The following CELF2 variants were observed in gnomAD, a reference collection of about 807,000 sequenced individuals.
The protein encoded by CELF2 is CUGBP Elav-like family member 2.
A neutral mutation model predicts 62.6 loss-of-function variants in CELF2; 8 were observed. That is an observed-to-expected ratio of 0.13 (90% CI 0.07 to 0.23). The LOEUF (loss-of-function observed/expected upper bound fraction) is 0.23. Ranked by LOEUF, CELF2 falls within the 10% of genes least tolerant of loss-of-function variation. The pLI is 1.00. For synonymous variants in CELF2, 258 were observed against 250.0 expected (o/e 1.03, Z -0.30); for missense variants, 333 against 671.0 (o/e 0.50, Z 5.56).
chr10:10,727,127 C>T, the CELF2 span, among the ~76,000 whole-genome samples: 2 of 152,228 alleles, frequency 1.3e-5, no homozygotes, highest in South Asian at 4.1e-4. Context: ...CCAGGCCCCG[C>T]TTCCAATACT....
At chr10:10,462,615 C>CTTTTTTTTTTTTTTT in the CELF2 span, among the ~76,000 whole-genome samples, 5 of 69,416 alleles carry the variant, frequency 7.2e-5, no homozygotes, top group Non-Finnish European at 1.0e-4. Flanking sequence ...TTTTTTTCAT[C>CTTTTTTTTTTTTTTT]TTTTTTTTTT....
chr10:10,495,278 C>CA, the CELF2 span, among the ~76,000 whole-genome samples: 3 of 151,848 alleles, frequency 2.0e-5, no homozygotes, highest in Admixed American at 2.0e-4. Flanking sequence ...GACTCTATCT[C>CA]AAAAAAAATT....
intron 2 of CELF2, among the ~76,000 whole-genome samples, chr10:10,962,880 G>A (rs1465777955): frequency 6.6e-6 from 1 of 152,186 alleles, no homozygotes; most frequent in African/African-American, 2.4e-5. Flanking sequence ...ATTCCATTTT[G>A]CTTGGCCATT....
At chr10:10,825,210 T>TTTTGTG (rs2057288670) in intron 1 of CELF2, among the ~76,000 whole-genome samples, 1 of 151,792 alleles carries the variant, frequency 6.6e-6, no homozygotes, top group South Asian at 2.1e-4. Flanking sequence ...TGTTTTTTGT[T>TTTTGTG]TTTTGTGTTT....
intron 2 of CELF2, among the ~76,000 whole-genome samples, chr10:10,973,463 G>T (rs2050981306): frequency 6.6e-6 from 1 of 152,120 alleles, no homozygotes; most frequent in Admixed American, 6.6e-5. Context: ...CCCATGCCAG[G>T]TTCTCCTGCA....
intron 1 of CELF2, among the ~76,000 whole-genome samples, chr10:11,099,019 G>C (rs11256973): frequency 1.3e-5 from 2 of 152,304 alleles, no homozygotes; most frequent in East Asian, 1.9e-4. Context: ...TAAAAGTTTC[G>C]CCAGAGAATG....
At chr10:10,547,675 G>GAT in the CELF2 span, among the ~76,000 whole-genome samples, 1 of 126,688 alleles carries the variant, frequency 7.9e-6, no homozygotes, top group African/African-American at 3.0e-5. Context: ...CAAAAAGATA[G>GAT]AGAGAGAGAG....
At chr10:10,588,015 T>C in the CELF2 span, among the ~76,000 whole-genome samples, 1 of 117,824 alleles carries the variant, frequency 8.5e-6, no homozygotes, top group African/African-American at 3.8e-5. Flanking sequence ...GGTAAAGATG[T>C]AATTTTTTTT....
At chr10:11,265,228 C>T (rs1214389337) in intron 5 of CELF2, among the ~76,000 whole-genome samples, 2 of 152,190 alleles carry the variant, frequency 1.3e-5, no homozygotes, top group East Asian at 1.9e-4. Context: ...TTCTATTTTG[C>T]TTATTGGCCA....
chr10:10,800,794 A>G (rs2054585362), intron 1 of CELF2, among the ~76,000 whole-genome samples: 1 of 152,138 alleles, frequency 6.6e-6, no homozygotes, highest in South Asian at 2.1e-4. Flanking sequence ...CTATCGAAAA[A>G]TGGTAAAGTG....
At chr10:11,209,567 CT>C (rs113589265) in intron 2 of CELF2, among the ~76,000 whole-genome samples, 5,445 of 134,926 alleles carry the variant, frequency 0.04, 171 homozygotes, top group African/African-American at 0.099. Flanking sequence ...AAGGACTACT[CT>C]TTTTTTTTTT....
chr10:10,696,786 CT>C, the CELF2 span, among the ~76,000 whole-genome samples: 1 of 152,250 alleles, frequency 6.6e-6, no homozygotes, highest in South Asian at 2.1e-4. Context: ...TCCGTCACCC[CT>C]TTCTTTGACC....
the CELF2 span, among the ~76,000 whole-genome samples, chr10:10,581,972 G>T: frequency 6.6e-6 from 1 of 152,106 alleles, no homozygotes; most frequent in East Asian, 1.9e-4. Context: ...AGGTTGCAGT[G>T]AGCTGAGATC....
chr10:10,573,601 G>A, the CELF2 span, among the ~76,000 whole-genome samples: 3 of 152,092 alleles, frequency 2.0e-5, no homozygotes, highest in Admixed American at 2.0e-4. Flanking sequence ...GATCTTGTGA[G>A]CACATGTACT....
At chr10:10,974,559 C>A (rs1034932550) in intron 2 of CELF2, among the ~76,000 whole-genome samples, 1 of 152,152 alleles carries the variant, frequency 6.6e-6, no homozygotes, top group Non-Finnish European at 1.5e-5. Context: ...AAGAGTCATG[C>A]ACTGACTCTG....
the CELF2 span, among the ~76,000 whole-genome samples, chr10:10,752,439 C>T: frequency 6.6e-6 from 1 of 151,906 alleles, no homozygotes; most frequent in Non-Finnish European, 1.5e-5. Flanking sequence ...GCCTGTAATC[C>T]CAGCACTTTG....
chr10:11,311,781 A>G lies in CELF2; in HGVS notation c.977-2358A>G, dbSNP rs2094573920. 1.3e-5 allele frequency among the ~76,000 whole-genome samples: 2 copies of G among 152,300 alleles called. No homozygotes were observed. Among genetic ancestry groups the G allele is most frequent in the Non-Finnish European group, 2.9e-5 (2 of 68,024 alleles). On this transcript the variant is annotated intron_variant, in intron 9 of 12. Transcript: ENST00000633077. The surrounding 1 kb of genome is among the most constrained non-coding windows in gnomAD (Gnocchi z 4.7). ...TTTGGAGATGATGCCCAACCGAGAA[A>G]CAGAATATGAGAGGTGAAGTGACAT...
chr10:10,662,258 A>T, the CELF2 span, among the ~76,000 whole-genome samples: 3 of 152,228 alleles, frequency 2.0e-5, no homozygotes, highest in Admixed American at 6.5e-5. Flanking sequence ...ATGCAAAGAA[A>T]TGCACTCAGA....
the CELF2 span, among the ~76,000 whole-genome samples, chr10:10,471,878 T>C: frequency 2.0e-5 from 3 of 151,984 alleles, no homozygotes; most frequent in Admixed American, 2.0e-4. Context: ...ATAGAATTAA[T>C]TATTGACCAA....
Sources: allele counts gnomAD v4.1 joint callset (sites outside exome capture counted in the v4.1 genomes callset), GRCh38; gene constraint gnomAD v4.1.1; non-coding constraint Gnocchi (gnomAD v3.1); transcripts MANE v1.5; gene names NCBI Gene and HGNC (gene_info 2026-07-23, HGNC 2026-07-21).